PTPRC: variants seen among roughly 807,000 people sequenced by gnomAD.
PTPRC encodes the protein protein tyrosine phosphatase receptor type C, also known as receptor-type tyrosine-protein phosphatase C.
A neutral mutation model predicts 155.9 loss-of-function variants in PTPRC; 44 were observed. The ratio of observed to expected loss-of-function variants is 0.28; its 90% CI spans 0.22 to 0.36. The LOEUF (loss-of-function observed/expected upper bound fraction) is 0.36. PTPRC is among the 10% of genes least tolerant of loss of function. PTPRC has a pLI of 1.00. For synonymous variants in PTPRC, 525 were observed against 533.1 expected, an observed-to-expected ratio of 0.98 and a Z score of 0.21; for missense variants, 1,401 against 1,564.6, an observed-to-expected ratio of 0.90 and a Z score of 1.76.
intron 18 of PTPRC, 104 bp from the exon 19 acceptor site, chr1:198,732,196 A>G: frequency 1.1e-6 from 1 of 911,122 alleles, no homozygotes; most frequent in South Asian, 1.4e-5. Context: ...CAATATGAAG[A>G]AAATATTTTA....
At chr1:198,689,317 C>T (rs1665801235) in intron 2 of PTPRC, among the ~76,000 whole-genome samples, 1 of 152,130 alleles carries the variant, frequency 6.6e-6, no homozygotes, top group Non-Finnish European at 1.5e-5. Flanking sequence ...ATTCACAGTT[C>T]TTTTGTTAAA....
chr1:198,717,639 G>GA (rs1653658050), intron 13 of PTPRC, among the ~76,000 whole-genome samples: 1 of 152,164 alleles, frequency 6.6e-6, no homozygotes, highest in African/African-American at 2.4e-5. Flanking sequence ...CTGTATCACA[G>GA]AAAAAGAAGA....
chr1:198,734,279 C>T, intron 21 of PTPRC, 47 bp downstream of exon 21: 5 of 1,608,034 alleles, frequency 3.1e-6, no homozygotes, highest in Non-Finnish European at 4.3e-6. Context: ...ATTTTTATAG[C>T]ACTTTTAAGA....
intron 8 of PTPRC, among the ~76,000 whole-genome samples, chr1:198,705,464 G>A (rs1455287333): frequency 2.8e-5 from 4 of 143,914 alleles, no homozygotes; most frequent in African/African-American, 5.2e-5. Context: ...TCTGTTGCCC[G>A]GGCTGGAGTG....
intron 2 of PTPRC, among the ~76,000 whole-genome samples, chr1:198,651,515 G>A: frequency 6.6e-6 from 1 of 151,406 alleles, no homozygotes; most frequent in East Asian, 1.9e-4. Flanking sequence ...TTTGATCTCA[G>A]GCTTGGCAGG....
Position 198,718,432 on chromosome 1 carries a change from TAA to T in PTPRC, c.1659+132_1659+133del, listed in dbSNP as rs1653710307. ...CTCTGATGTGTAATGGAATCACACT[TAA>T]AGAGTCTCAAATATTTGACTCTAAA... On this transcript the variant is annotated intron_variant, in intron 14 of 32. Transcript: ENST00000442510. 14 of 808,092 alleles carry T rather than the reference TAA, an allele frequency of 1.7e-5. No homozygotes were observed. The South Asian group carries it at 2.1e-4, about 12-fold the overall frequency. The allele number at this position is 808,092 out of a possible 1,614,324, so 50.1% of individuals were successfully genotyped here.
chr1:198,639,229 G>T lies in PTPRC; in HGVS notation c.-40G>T, dbSNP rs756237254. 4 of 1,560,324 alleles carry T rather than the reference G, an allele frequency of 2.6e-6. No individual in the cohort carries two copies. Among genetic ancestry groups the T allele is most frequent in the Non-Finnish European group, 2.7e-6 (3 of 1,131,194 alleles). On this transcript the variant is annotated 5_prime_UTR_variant, in exon 2 of 33. Coordinates refer to ENST00000442510, the MANE Select transcript of PTPRC (RefSeq NM_002838.5). ...TAACAATTATTTTGCTTTTCAGAAG[G>T]ACGCATGCTGTTTCTTAGGGACACG... is the stretch of plus-strand genomic sequence containing the variant.
intron 2 of PTPRC, among the ~76,000 whole-genome samples, chr1:198,690,480 A>G (rs1226773891): frequency 6.6e-6 from 1 of 152,120 alleles, no homozygotes; most frequent in Non-Finnish European, 1.5e-5. Context: ...TTAAGTATGA[A>G]TTATTAAGAA....
Position 198,660,030 on chromosome 1 carries a change from CATATATATAT to C in PTPRC, c.73+20718_73+20727del, listed in dbSNP as rs34796231. On this transcript the variant is annotated intron_variant, in intron 2 of 32. Transcript: ENST00000442510. ...AGATATATTTGTCCATATATATGTC[CATATATATAT>C]ATATATATATATATATATATATATA... is the stretch of plus-strand genomic sequence containing the variant. Among the ~76,000 whole-genome samples, 891 of 115,898 alleles carry C rather than the reference CATATATATAT, an allele frequency of 7.7e-3. 6 individuals carry two copies. Among genetic ancestry groups the C allele is most frequent in the Middle Eastern group, 0.025 (4 of 162 alleles). The allele number at this position is 115,898 out of a possible 152,430, so 76.0% of individuals were successfully genotyped here. A position where few individuals can be genotyped will look rare whatever the true frequency, so the allele number is the denominator to read the frequency against.
intron 2 of PTPRC, among the ~76,000 whole-genome samples, chr1:198,684,842 C>T (rs758703133): frequency 6.6e-5 from 10 of 151,958 alleles, no homozygotes; most frequent in African/African-American, 9.7e-5. Context: ...CTCATTCTCC[C>T]AAGTGCCTCT....
At chr1:198,739,647 C>A (rs780510793) in intron 23 of PTPRC, among the ~76,000 whole-genome samples, 2 of 151,822 alleles carry the variant, frequency 1.3e-5, no homozygotes, top group African/African-American at 2.4e-5. Context: ...CTTCAACACT[C>A]TACTTTCAGC....
rs757887582 is a variant in PTPRC at position 198,718,116 on chromosome 1, G to T, written c.1473G>T (p.Met491Ile). 2.5e-6 allele frequency: 4 copies of T among 1,613,376 alleles called. No individual in the cohort carries two copies. In the East Asian group the frequency reaches 8.9e-5, roughly 36 times the overall value. ...KSAPPSQVWN[M>I]TVSMTSDNSM... ...TAGCTCCAAGCCAGGTCTGGAACAT[G>T]ACTGTCTCCATGACATCAGATAATA... The change falls in exon 14 of 33, where the codon ATG becomes ATT. Residue 491 changes from methionine (M) to isoleucine (I), a missense_variant. Met to Ile is a conservative substitution (Grantham distance 10, BLOSUM62 1). Coordinates refer to ENST00000442510, the MANE Select transcript of PTPRC (RefSeq NM_002838.5).
chr1:198,680,304 T>C (rs1218162917), intron 2 of PTPRC, among the ~76,000 whole-genome samples: 2 of 152,020 alleles, frequency 1.3e-5, no homozygotes, highest in East Asian at 3.9e-4. Flanking sequence ...AATACAAATA[T>C]TAGCCGGGTG....
In PTPRC at chr1:198,731,522, C is replaced by G. The variant is rs551976931; in HGVS notation, c.1865-95C>G. The G allele has an allele frequency of 9.6e-5, 86 of 893,514 alleles. 1 individual carries two copies. In the South Asian group the frequency reaches 1.1e-3, roughly 11 times the overall value. 55.3% of individuals were successfully genotyped at this position (893,514 alleles called of 1,614,324 possible). A position where few individuals can be genotyped will look rare whatever the true frequency, so the allele number is the denominator to read the frequency against. ...GAAATGTGTACGAGGAGGAAAGAAG[C>G]TAAAGGATTGAGTACACGGTGTAAA... On this transcript the variant is annotated intron_variant, in intron 17 of 32. Transcript: ENST00000442510.
chr1:198,699,423 A>G (rs1380567483), intron 4 of PTPRC, 141 bp from the exon 5 acceptor site: 9 of 1,032,974 alleles, frequency 8.7e-6, no homozygotes, highest in Non-Finnish European at 1.3e-5. Context: ...AAATTTAAAT[A>G]CTGACAGACA....
chr1:198,731,455 A>G (rs544609891), intron 17 of PTPRC, among the ~76,000 whole-genome samples, 162 bp from the exon 18 acceptor site: 2 of 152,108 alleles, frequency 1.3e-5, no homozygotes, highest in African/African-American at 4.8e-5. Context: ...AAAGTCATTG[A>G]TTTATAGGTA....
At position 198,702,315 on chromosome 1, in the gene PTPRC, A is replaced by C. The variant is rs959400166; in HGVS notation, c.440-72A>C. On this transcript the variant is annotated intron_variant, in intron 5 of 32. Coordinates refer to ENST00000442510, the MANE Select transcript of PTPRC (RefSeq NM_002838.5). The stretch of plus-strand genomic sequence containing the variant: ...TGCCTTATCTTTAGTAATTGTGTTT[A>C]TGTTGGCTATCTGGCTATTGCCCTT... 13 of 1,586,758 alleles carry C rather than the reference A, an allele frequency of 8.2e-6. No individual in the cohort carries two copies. In the Admixed American group the frequency reaches 2.2e-4, roughly 26 times the overall value.
chr1:198,645,259 C>T (rs1311538852), intron 2 of PTPRC, among the ~76,000 whole-genome samples: 1 of 151,694 alleles, frequency 6.6e-6, no homozygotes, highest in Non-Finnish European at 1.5e-5. Context: ...TTAGAGAAAC[C>T]TATACAAATA....
chr1:198,731,785 G>A (rs1654398926), intron 18 of PTPRC, 59 bp downstream of exon 18: 1 of 1,330,384 alleles, frequency 7.5e-7, no homozygotes, highest in African/African-American at 1.4e-5. Flanking sequence ...TCCACTTTAA[G>A]TGTATTTATA....
Sources: gnomAD v4.1 joint callset for allele counts (sites outside exome capture counted in the v4.1 genomes callset) on GRCh38, gnomAD v4.1.1 for gene constraint, MANE v1.5 for transcripts, NCBI Gene and HGNC (gene_info 2026-07-23, HGNC 2026-07-21) for gene names.